Variants in PWWP2A observed in about 807,000 individuals in gnomAD.
The protein encoded by PWWP2A is PWWP domain containing 2A, also known as PWWP domain-containing protein 2A.
In PWWP2A, 18 loss-of-function variants were observed where a neutral mutation model predicts 48.5. The observed-to-expected ratio is 0.37, with a 90% confidence interval of 0.26 to 0.55. The LOEUF is 0.55. PWWP2A is among the 20% of genes least tolerant of loss of function. The probability of loss-of-function intolerance (pLI) is 0.81; values close to 1 mark genes in which losing one functional copy is unlikely to be tolerated. For missense variants in PWWP2A, 867 were observed against 976.4 expected (o/e 0.89, Z 1.49); for synonymous variants, 396 against 387.7 (o/e 1.02, Z -0.25).
chr5:160,086,619 G>A (rs575447885), downstream of PWWP2A, among the ~76,000 whole-genome samples: 4 of 152,004 alleles, frequency 2.6e-5, no homozygotes, highest in African/African-American at 9.6e-5. Context: ...TGGGCCAGGC[G>A]CAGTGGCTCA....
intron 1 of PWWP2A, among the ~76,000 whole-genome samples, chr5:160,113,683 G>A (rs1445340096): frequency 6.6e-6 from 1 of 152,182 alleles, no homozygotes; most frequent in East Asian, 1.9e-4. Context: ...GGAGTCTCCG[G>A]AGCCAGGTTT....
chr5:160,070,735 GACAT>G (rs1416187450), intron 2 of PWWP2A, among the ~76,000 whole-genome samples: 2 of 152,148 alleles, frequency 1.3e-5, no homozygotes, highest in African/African-American at 4.8e-5. Flanking sequence ...GGTGGCACTG[GACAT>G]ACATCTGAGC....
At chr5:160,052,893 C>T in the PWWP2A span, among the ~76,000 whole-genome samples, 1 of 152,300 alleles carries the variant, frequency 6.6e-6, no homozygotes, top group Admixed American at 6.5e-5. Context: ...ATTCACCTGC[C>T]ATTAGACTTA....
chr5:160,086,060 C>A (rs904692897), intron 2 of PWWP2A, among the ~76,000 whole-genome samples: 2 of 152,068 alleles, frequency 1.3e-5, no homozygotes, highest in African/African-American at 4.8e-5. Flanking sequence ...CTCAGGTGAT[C>A]CGCCTGCCTC....
chr5:160,091,114 A>C (rs908759569), downstream of PWWP2A: 3 of 983,642 alleles, frequency 3.0e-6, no homozygotes, highest in Non-Finnish European at 3.6e-6. Context: ...GGGATATCAA[A>C]TCTAAAAGCA....
intron 2 of PWWP2A, among the ~76,000 whole-genome samples, chr5:160,082,301 G>A (rs180957574): frequency 4.6e-5 from 7 of 151,828 alleles, no homozygotes; most frequent in East Asian, 1.9e-4. Context: ...AAAATTAGCC[G>A]GGCGTGGTAG....
At chr5:160,102,150 A>T (rs1756380865) in intron 1 of PWWP2A, among the ~76,000 whole-genome samples, 1 of 147,304 alleles carries the variant, frequency 6.8e-6, no homozygotes, top group African/African-American at 2.5e-5. Flanking sequence ...GTAATGGCTC[A>T]CGCTTGTAAC....
At chr5:160,051,085 T>G in the PWWP2A span, 240 of 1,206,040 alleles carry the variant, frequency 2.0e-4, no homozygotes, top group Non-Finnish European at 2.5e-4. Context: ...GGTTTTGGTT[T>G]TTTTTTTTTT....
chr5:160,090,859 A>G, downstream of PWWP2A: 1 of 984,964 alleles, frequency 1.0e-6, no homozygotes, highest in East Asian at 1.1e-4. Context: ...ACAGCCAATC[A>G]GATATATTTC....
the PWWP2A span, among the ~76,000 whole-genome samples, chr5:160,045,546 T>TCTCTCTCTCC: frequency 7.8e-6 from 1 of 128,218 alleles, no homozygotes; most frequent in African/African-American, 3.2e-5. Flanking sequence ...TCTCTCTCTC[T>TCTCTCTCTCC]CTCTCTCCCC....
intron 1 of PWWP2A, among the ~76,000 whole-genome samples, chr5:160,095,049 A>AAAAAAAAAAAAAAC: frequency 9.5e-6 from 1 of 105,568 alleles, no homozygotes; most frequent in Non-Finnish European, 1.9e-5. Flanking sequence ...CTCTGTCTCA[A>AAAAAAAAAAAAAAC]AAAAAAAAAA....
At position 160,093,570 on chromosome 5, in the gene PWWP2A, A is replaced by C; in HGVS notation, c.1080T>G (p.Thr360=). Residue 360 remains threonine, a synonymous_variant, in exon 2 of 2, where the codon ACT becomes ACG. Transcript: ENST00000307063. The surrounding 1 kb of genome is among the most constrained non-coding windows in gnomAD (Gnocchi z 5.8). ...DKKRRNESVT[T]VNKKLKTDHK... is the part of the protein sequence containing the mutation. ...GGTCAGTTTTCAGTTTTTTGTTCAC[A>C]GTAGTTACACTTTCATTTCTCCGTT... is the stretch of plus-strand genomic sequence containing the variant. 1 of 1,613,534 alleles carries C rather than the reference A, an allele frequency of 6.2e-7. No individual in the cohort carries two copies. The highest frequency in any genetic ancestry group is 8.5e-7 in the Non-Finnish European group (1 of 1,179,804).
chr5:160,095,475 T>A (rs925961258), intron 1 of PWWP2A, among the ~76,000 whole-genome samples: 1 of 152,148 alleles, frequency 6.6e-6, no homozygotes, highest in Non-Finnish European at 1.5e-5. Flanking sequence ...TAGGTTAGCA[T>A]GTTGACTATA....
chr5:160,092,490 A>G lies in PWWP2A; in HGVS notation c.2160T>C (p.Phe720=), dbSNP rs776514742. 1 of 1,551,658 alleles carries G rather than the reference A, an allele frequency of 6.4e-7. No homozygotes were observed. Among genetic ancestry groups the G allele is most frequent in the African/African-American group, 1.4e-5 (1 of 73,150 alleles). The change falls in exon 2 of 2, where the codon TTT becomes TTC. Residue 720 remains phenylalanine (F), a synonymous_variant. Coordinates refer to ENST00000307063, the MANE Select transcript of PWWP2A (RefSeq NM_001130864.2). ...GATACAGGCCCTTTCTCTTCTTATT[A>G]AAGCGTGACTGGAAGTTTTCTAAAA... ...SPFLENFQSR[F]NKKRKGLYRK...
chr5:160,066,341 G>A (rs565928781), intron 4 of PWWP2A, among the ~76,000 whole-genome samples: 73 of 125,814 alleles, frequency 5.8e-4, no homozygotes, highest in Non-Finnish European at 9.7e-4. Flanking sequence ...CTGTCACCCA[G>A]GCTGGAGTGC....
intron 2 of PWWP2A, among the ~76,000 whole-genome samples, chr5:160,069,392 A>ACTTAAC (rs1753690417): frequency 6.6e-6 from 1 of 152,230 alleles, no homozygotes; most frequent in Non-Finnish European, 1.5e-5. Context: ...CTTATCTGTG[A>ACTTAAC]CTTAACCCGG....
downstream of PWWP2A, chr5:160,089,531 G>C: frequency 1.6e-6 from 2 of 1,284,628 alleles, no homozygotes; most frequent in Non-Finnish European, 2.0e-6. Context: ...TAATTGTTTG[G>C]TCTTTGGTTC....
Position 160,091,630 on chromosome 5 carries a change from T to C in PWWP2A, c.*752A>G, listed in dbSNP as rs1755074737. Reference sequence around the variant, plus strand: ...GCAATCACTATTTACAAATCCAAAATCAAACCTATCTAAACTCCCAAACCA... The same window carrying C: ...GCAATCACTATTTACAAATCCAAAACCAAACCTATCTAAACTCCCAAACCA... On this transcript the variant is annotated 3_prime_UTR_variant, in exon 2 of 2. Coordinates refer to ENST00000307063, the MANE Select transcript of PWWP2A (RefSeq NM_001130864.2). 1 of 984,992 alleles carries C rather than the reference T, an allele frequency of 1.0e-6. No homozygotes were observed. The highest frequency in any genetic ancestry group is 1.7e-5 in the African/African-American group (1 of 57,174). 61.0% of individuals were successfully genotyped at this position (984,992 alleles called of 1,614,324 possible). A position where few individuals can be genotyped will look rare whatever the true frequency, so the allele number is the denominator to read the frequency against.
At chr5:160,058,409 CTTTTT>C (rs1171929571), downstream of PWWP2A, among the ~76,000 whole-genome samples, 4 of 129,756 alleles carry the variant, frequency 3.1e-5, no homozygotes, top group South Asian at 2.5e-4. Context: ...AAGTGTATTT[CTTTTT>C]TTTTTTTTTT....
Sources: allele counts gnomAD v4.1 joint callset (sites outside exome capture counted in the v4.1 genomes callset), GRCh38; gene constraint gnomAD v4.1.1; non-coding constraint Gnocchi (gnomAD v3.1); transcripts MANE v1.5; gene names NCBI Gene and HGNC (gene_info 2026-07-23, HGNC 2026-07-21).